Variants in KBTBD4 observed in about 807,000 individuals in gnomAD.
KBTBD4 encodes the protein kelch repeat and BTB domain containing 4.
KBTBD4 carries 30 observed loss-of-function variants against 43.9 expected under a neutral mutation model. The ratio of observed to expected loss-of-function variants is 0.68; its 90% CI spans 0.51 to 0.93. The LOEUF (loss-of-function observed/expected upper bound fraction) is 0.93. Ranked by LOEUF, KBTBD4 falls within the 40% of genes least tolerant of loss-of-function variation. The pLI is 0.00. For synonymous variants in KBTBD4, 258 were observed against 256.9 expected (o/e 1.00, Z -0.04); for missense variants, 575 against 668.8 (o/e 0.86, Z 1.55).
chr11:47,577,873 GCTC>G lies in KBTBD4; in HGVS notation c.172_174del (p.Glu58del). 2 of 1,614,244 alleles carry G rather than the reference GCTC, an allele frequency of 1.2e-6. No individual in the cohort carries two copies. The highest frequency in any genetic ancestry group is 8.5e-7 in the Non-Finnish European group (1 of 1,180,046). Reference sequence around the variant, plus strand: ...ACCGAAATGGTGACATCAGCAAAGAGCTCCTCCTCTAGACACAGTTTCATGATG... The same window carrying G: ...ACCGAAATGGTGACATCAGCAAAGAGCTCCTCTAGACACAGTTTCATGATG... On this transcript the variant is annotated inframe_deletion, in exon 2 of 4. Coordinates refer to ENST00000430070, the MANE Select transcript of KBTBD4 (RefSeq NM_018095.6).
At chr11:47,578,127 C>G (rs1158068283) in intron 1 of KBTBD4, 99 bp from the exon 2 acceptor site, 1 of 1,382,486 alleles carries the variant, frequency 7.2e-7, no homozygotes, top group Non-Finnish European at 9.9e-7. Context: ...GAAGTGAGAG[C>G]AAAGTGGGTC....
At chr11:47,575,732 A>G (rs773755315) in intron 2 of KBTBD4, 33 bp from the exon 3 acceptor site, 3 of 1,380,798 alleles carry the variant, frequency 2.2e-6, no homozygotes, top group Non-Finnish European at 2.0e-6. Context: ...ATGGTCAATG[A>G]CAATCCGAAA....
At chr11:47,578,151 G>T in intron 1 of KBTBD4, 123 bp from the exon 2 acceptor site, 1 of 1,071,626 alleles carries the variant, frequency 9.3e-7, no homozygotes, top group Non-Finnish European at 1.3e-6. Flanking sequence ...ATTGGCCTTA[G>T]TCCTGGCCCT....
chr11:47,577,009 T>C (rs1443992935), intron 2 of KBTBD4, among the ~76,000 whole-genome samples: 1 of 152,174 alleles, frequency 6.6e-6, no homozygotes, highest in Non-Finnish European at 1.5e-5. Flanking sequence ...TATATCTCAC[T>C]TGCAAGGTTA....
intron 1 of KBTBD4, chr11:47,578,237 T>A (rs2097263993): frequency 3.4e-6 from 2 of 596,622 alleles, no homozygotes; most frequent in East Asian, 5.5e-5. Flanking sequence ...CCGCTAATGA[T>A]ATAAATAAAA....
At chr11:47,575,208 T>C (rs2097256814) in intron 3 of KBTBD4, among the ~76,000 whole-genome samples, 1 of 138,272 alleles carries the variant, frequency 7.2e-6, no homozygotes, top group East Asian at 2.1e-4. Flanking sequence ...AGAATCCGTC[T>C]TAAAAAAAAA....
At chr11:47,578,595 C>T (rs892611028) in intron 1 of KBTBD4, 6 of 711,524 alleles carry the variant, frequency 8.4e-6, no homozygotes, top group Non-Finnish European at 1.5e-5. Context: ...TCGAAAGACT[C>T]CCTATGGCTG....
intron 3 of KBTBD4, 36 bp downstream of exon 3, chr11:47,575,557 A>G: frequency 8.0e-7 from 1 of 1,251,348 alleles, no homozygotes; most frequent in Non-Finnish European, 1.2e-6. Flanking sequence ...ATGCATGGAG[A>G]GTATGCAGTC....
chr11:47,578,877 G>A, intron 1 of KBTBD4, 56 bp downstream of exon 1: 3 of 1,551,146 alleles, frequency 1.9e-6, no homozygotes, highest in East Asian at 4.9e-5. Context: ...CTGCCACAAG[G>A]AGCTAGGACC....
At position 47,572,915 on chromosome 11, in the gene KBTBD4, C is replaced by T. The variant is rs2097251817; in HGVS notation, c.*15G>A. On this transcript the variant is annotated 3_prime_UTR_variant, in exon 4 of 4. Coordinates refer to ENST00000430070, the MANE Select transcript of KBTBD4 (RefSeq NM_018095.6). ...GGGAAAAGGAGTGAGCAGTTCTCCT[C>T]CCCTCCCCACAGCCTTAGGCCAACA... 1 of 1,601,030 alleles carries T rather than the reference C, an allele frequency of 6.2e-7. No homozygotes were observed. The highest frequency in any genetic ancestry group is 1.3e-5 in the African/African-American group (1 of 74,740).
chr11:47,578,051 G>C, intron 1 of KBTBD4, 23 bp from the exon 2 acceptor site: 1 of 1,612,542 alleles, frequency 6.2e-7, no homozygotes, highest in Non-Finnish European at 8.5e-7. Context: ...ACCATCTTGA[G>C]TAACCTGAGG....
chr11:47,573,970 G>A lies in KBTBD4; in HGVS notation c.745-180C>T, dbSNP rs1326570320. Among the ~76,000 whole-genome samples, 1 of 152,076 alleles carries A rather than the reference G, an allele frequency of 6.6e-6. No homozygotes were observed. The highest frequency in any genetic ancestry group is 2.1e-4 in the South Asian group (1 of 4,824). ...CTTTCTTTGAGGCAATTTATGCCGG[G>A]CGGAGAATCTGTTGTATTCATCCTT... On this transcript the variant is annotated intron_variant, in intron 3 of 3. Coordinates refer to ENST00000430070, the MANE Select transcript of KBTBD4 (RefSeq NM_018095.6). This position sits in a 1 kb window ranked among gnomAD's most constrained non-coding sequence, Gnocchi z 4.1.
In KBTBD4 at chr11:47,577,812, A is replaced by G. The variant is rs112797348; in HGVS notation, c.236T>C (p.Leu79Pro). Residue 79 changes from leucine (L) to proline (P), a missense_variant, in exon 2 of 4, where the codon CTC (leucine) becomes CCC (proline). Physicochemically the swap from Leu to Pro is moderately conservative, Grantham distance 98. Transcript: ENST00000430070. ...GREFQLHRLV[L>P]SAQSCFFRSM... Reference sequence around the variant, plus strand: ...TCGGAAGAAGCAGCTCTGAGCTGAGAGGACCAGCCGATGGAGCTGAAACTC... The same window carrying G: ...TCGGAAGAAGCAGCTCTGAGCTGAGGGGACCAGCCGATGGAGCTGAAACTC... 6.2e-7 allele frequency: 1 copy of G among 1,614,226 alleles called. No homozygotes were observed. The highest frequency in any genetic ancestry group is 8.5e-7 in the Non-Finnish European group (1 of 1,180,040).
chr11:47,578,548 C>A, intron 1 of KBTBD4: 1 of 690,394 alleles, frequency 1.4e-6, no homozygotes, highest in Non-Finnish European at 2.6e-6. Flanking sequence ...TACATTTGCT[C>A]TCTTCTGAGC....
intron 2 of KBTBD4, 73 bp from the exon 3 acceptor site, chr11:47,575,772 T>C (rs571692672): frequency 1.3e-5 from 12 of 925,590 alleles, no homozygotes; most frequent in South Asian, 1.3e-4. Context: ...ACTTTAAAGA[T>C]GTGAACCACT....
Position 47,577,735 on chromosome 11 carries a change from G to A in KBTBD4, c.313C>T (p.Gln105Ter). The A allele has an allele frequency of 6.2e-7, 1 of 1,614,194 alleles. No individual in the cohort carries two copies. Among genetic ancestry groups the A allele is most frequent in the Non-Finnish European group, 8.5e-7 (1 of 1,180,042 alleles). ...KEAHNRVIVLQDVSESVFQLL... is the reference protein window; with the variant it reads ...KEAHNRVIVL Reference sequence around the variant, plus strand: ...TGGAAAACAGACTCGCTGACATCCTGCAGCACAATCACCCGGTTGTGGGCC... The same window carrying A: ...TGGAAAACAGACTCGCTGACATCCTACAGCACAATCACCCGGTTGTGGGCC... Residue 105 changes from glutamine (Q) to a stop codon, truncating the protein, a stop_gained, in exon 2 of 4, where the codon CAG (glutamine) becomes TAG (stop). Coordinates refer to ENST00000430070, the MANE Select transcript of KBTBD4 (RefSeq NM_018095.6). LOFTEE classifies it high-confidence loss of function.
chr11:47,577,164 C>T (rs1323458801), intron 2 of KBTBD4, among the ~76,000 whole-genome samples: 1 of 152,362 alleles, frequency 6.6e-6, no homozygotes, highest in South Asian at 2.1e-4. Context: ...TCACTCCTCA[C>T]TACTCTGTGT....
rs1162925297 is a variant in KBTBD4 at position 47,573,960 on chromosome 11, T to G, written c.745-170A>C. Among the ~76,000 whole-genome samples the G allele has an allele frequency of 2.0e-5, 3 of 152,180 alleles. No individual in the cohort carries two copies. ...CCTCTAGTCACTTTCTTTGAGGCAA[T>G]TTATGCCGGGCGGAGAATCTGTTGT... On this transcript the variant is annotated intron_variant, in intron 3 of 3. Coordinates refer to ENST00000430070, the MANE Select transcript of KBTBD4 (RefSeq NM_018095.6). The surrounding 1 kb of genome is among the most constrained non-coding windows in gnomAD (Gnocchi z 4.1).
intron 2 of KBTBD4, among the ~76,000 whole-genome samples, chr11:47,577,156 ACTC>A (rs1435366239): frequency 1.3e-5 from 2 of 151,684 alleles, no homozygotes; most frequent in African/African-American, 2.4e-5. Context: ...AATACAAATC[ACTC>A]CTCACTACTC....
Sources: allele counts gnomAD v4.1 joint callset (sites outside exome capture counted in the v4.1 genomes callset), GRCh38; gene constraint gnomAD v4.1.1; non-coding constraint Gnocchi (gnomAD v3.1); transcripts MANE v1.5; gene names NCBI Gene and HGNC (gene_info 2026-07-23, HGNC 2026-07-21).